SP3: variants seen among roughly 807,000 people sequenced by gnomAD.
SP3 encodes transcription factor Sp3.
In SP3, 10 loss-of-function variants were observed where a neutral mutation model predicts 70.3. That is an observed-to-expected ratio of 0.14 (90% CI 0.09 to 0.24). The LOEUF is 0.24. SP3 is among the 10% of genes least tolerant of loss of function. The probability of loss-of-function intolerance (pLI) is 1.00; values close to 1 mark genes in which losing one functional copy is unlikely to be tolerated. For missense variants in SP3, 825 were observed against 914.6 expected (o/e 0.90, Z 1.26); for synonymous variants, 402 against 333.5 (o/e 1.21, Z -2.24).
Position 173,964,323 on chromosome 2 carries a change from G to A in SP3, c.156+82C>T, listed in dbSNP as rs1691202962. The A allele has an allele frequency of 4.9e-6, 3 of 610,720 alleles. No homozygotes were observed. The African/African-American group carries it at 5.9e-5, about 12-fold the overall frequency. 37.8% of individuals were successfully genotyped at this position (610,720 alleles called of 1,614,324 possible). On this transcript the variant is annotated intron_variant, in intron 2 of 6. Transcript: ENST00000310015. ...AGGGGAGAGACGAGGAGGGAGGGGTGAGGCGAGGAGGGAGGGGAGAGGCGA... is the reference window on the plus strand; with the variant it reads ...AGGGGAGAGACGAGGAGGGAGGGGTAAGGCGAGGAGGGAGGGGAGAGGCGA...
intron 4 of SP3, among the ~76,000 whole-genome samples, chr2:173,932,019 C>T (rs1366238793): frequency 1.3e-5 from 2 of 152,208 alleles, no homozygotes; most frequent in Non-Finnish European, 2.9e-5. Context: ...CCTTTGCATT[C>T]ACAACGTGGC....
chr2:173,935,290 A>C (rs895723202), intron 4 of SP3, among the ~76,000 whole-genome samples: 1 of 152,184 alleles, frequency 6.6e-6, no homozygotes, highest in Non-Finnish European at 1.5e-5. Context: ...AGGTTAAAAG[A>C]AGCTAACTTT....
intron 4 of SP3, among the ~76,000 whole-genome samples, chr2:173,933,975 GT>G (rs1392871043): frequency 2.1e-5 from 1 of 46,746 alleles, no homozygotes; most frequent in Non-Finnish European, 3.8e-5. Context: ...GTGTACATCT[GT>G]AGTCCCAGTT....
At chr2:173,917,718 C>T (rs539802543) in intron 5 of SP3, among the ~76,000 whole-genome samples, 40 of 151,816 alleles carry the variant, frequency 2.6e-4, no homozygotes, top group Non-Finnish European at 3.7e-4. Flanking sequence ...GAGTTCTATC[C>T]GTTTTTGCTC....
rs60102426 is a variant in SP3 at position 173,933,638 on chromosome 2, TTATATATA to T, written c.1640-14861_1640-14854del. ...ACAAATGACTAACATTTATAAAACT[TTATATATA>T]TATATATATATATATATATATATAT... On this transcript the variant is annotated intron_variant, in intron 4 of 6. Transcript: ENST00000310015. Among the ~76,000 whole-genome samples the T allele has an allele frequency of 8.7e-3, 751 of 86,560 alleles. 13 individuals are homozygous for T. Among genetic ancestry groups the T allele is most frequent in the African/African-American group, 0.025 (610 of 24,112 alleles). The allele number at this position is 86,560 out of a possible 152,430, so 56.8% of individuals were successfully genotyped here. A position where few individuals can be genotyped will look rare whatever the true frequency, so the allele number is the denominator to read the frequency against.
In SP3 at chr2:173,903,995, G is replaced by A. The variant is rs1689242140; in HGVS notation, c.*5946C>T. 6.6e-6 allele frequency among the ~76,000 whole-genome samples: 1 copy of A among 151,068 alleles called. No homozygotes were observed. The highest frequency in any genetic ancestry group is 1.5e-5 in the Non-Finnish European group (1 of 67,770). On this transcript the variant is annotated 3_prime_UTR_variant, in exon 7 of 7. Coordinates refer to ENST00000310015, the MANE Select transcript of SP3 (RefSeq NM_003111.5). ...GAAGACAATTTTTTCATGGATGGGG[G>A]TCGGGGGGTGGGGATGGTTGTAGGA...
chr2:173,955,038 C>G lies in SP3; in HGVS notation c.1474G>C (p.Val492Leu), dbSNP rs367731299. ...TAAQQITLTPVQTLTLGQVAA... is the reference protein window; with the variant it reads ...TAAQQITLTPLQTLTLGQVAA... ...ACTTGACCAAGTGTGAGGGTTTGAACAGGCGTCAAAGTTATTTGTTGGGCA... is the reference window on the plus strand; with the variant it reads ...ACTTGACCAAGTGTGAGGGTTTGAAGAGGCGTCAAAGTTATTTGTTGGGCA... The change falls in exon 4 of 7, where the codon GTT (valine) becomes CTT (leucine). Residue 492 changes from valine to leucine, a missense_variant. Val to Leu is a conservative substitution (Grantham distance 32, BLOSUM62 1). Around this residue, in one of 4 missense-constraint regions of SP3, gnomAD observed 678 missense variants for 651.6 expected, o/e 1.04. Coordinates refer to ENST00000310015, the MANE Select transcript of SP3 (RefSeq NM_003111.5). 7.2e-5 allele frequency: 116 copies of G among 1,614,070 alleles called. No individual in the cohort carries two copies. The highest frequency in any genetic ancestry group is 9.4e-5 in the Non-Finnish European group (111 of 1,180,042).
chr2:173,965,207 C>G lies in SP3; in HGVS notation c.-36G>C, dbSNP rs377033702. On this transcript the variant is annotated 5_prime_UTR_variant, in exon 1 of 7. Transcript: ENST00000310015. ...GGGCACCTCAGGCGGGGCTCCCCGC[C>G]GCCTTACACATGGTGAGGAGCGAAG... The G allele has an allele frequency of 6.5e-7, 1 of 1,546,942 alleles. No homozygotes were observed. The highest frequency in any genetic ancestry group is 1.4e-5 in the African/African-American group (1 of 72,626).
At chr2:173,941,075 A>G (rs1307297553) in intron 4 of SP3, among the ~76,000 whole-genome samples, 11 of 149,740 alleles carry the variant, frequency 7.3e-5, no homozygotes, top group Non-Finnish European at 1.5e-4. Context: ...CAACCTCCTC[A>G]ACCAGGTCCA....
chr2:173,921,026 T>G lies in SP3; in HGVS notation c.1640-2241A>C, dbSNP rs113178207. Among the ~76,000 whole-genome samples, 873 of 152,324 alleles carry G rather than the reference T, an allele frequency of 5.7e-3. 6 individuals carry two copies. Among genetic ancestry groups the G allele is most frequent in the African/African-American group, 0.019 (805 of 41,572 alleles). The stretch of plus-strand genomic sequence containing the variant: ...TTGCTGGTAATATCCTATTTCTTGA[T>G]CTGGGTGGTAGTTTTCCTATGTGTT... On this transcript the variant is annotated intron_variant, in intron 4 of 6. Coordinates refer to ENST00000310015, the MANE Select transcript of SP3 (RefSeq NM_003111.5).
In SP3 at chr2:173,917,112, G is replaced by A. The variant is rs1446449607; in HGVS notation, c.1832+1481C>T. Among the ~76,000 whole-genome samples the A allele has an allele frequency of 2.0e-5, 3 of 152,100 alleles. No individual in the cohort carries two copies. The East Asian group carries it at 5.8e-4, about 29-fold the overall frequency. ...ATGTCCTATGTGTCTACATTTTTAT[G>A]AGCATGTTTTAGTTTAATAAACATA... On this transcript the variant is annotated intron_variant, in intron 5 of 6. Transcript: ENST00000310015.
chr2:173,915,558 T>C (rs1007817774), intron 5 of SP3: 4 of 152,066 alleles, frequency 2.6e-5, no homozygotes, highest in African/African-American at 9.7e-5. Context: ...TAAGATAGAG[T>C]GGAAGCTAAA....
Position 173,902,484 on chromosome 2 carries a change from C to A in SP3, c.*7457G>T, listed in dbSNP as rs1191430783. On this transcript the variant is annotated 3_prime_UTR_variant, in exon 7 of 7. Transcript: ENST00000310015. ...AGTGATTCAAGTTCTAGATACATAT[C>A]TCAAGAAATGCTCACATGTACACAA... Among the ~76,000 whole-genome samples the A allele has an allele frequency of 1.3e-5, 2 of 152,164 alleles. No individual in the cohort carries two copies. Among genetic ancestry groups the A allele is most frequent in the East Asian group, 1.9e-4 (1 of 5,196 alleles).
At chr2:173,930,030 T>C (rs562792061) in intron 4 of SP3, among the ~76,000 whole-genome samples, 1 of 152,280 alleles carries the variant, frequency 6.6e-6, no homozygotes, top group East Asian at 1.9e-4. Flanking sequence ...TGTGTCTATT[T>C]CTCTCTAACT....
rs552248555 is a variant in SP3 at position 173,904,255 on chromosome 2, C to A, written c.*5686G>T. On this transcript the variant is annotated 3_prime_UTR_variant, in exon 7 of 7. Coordinates refer to ENST00000310015, the MANE Select transcript of SP3 (RefSeq NM_003111.5). ...AGTCTGTGGCCCAGGTGGTTCCTCA[C>A]AGACCAGGGACCAGTACCGGTCTGT... 6.6e-5 allele frequency among the ~76,000 whole-genome samples: 10 copies of A among 152,250 alleles called. No homozygotes were observed. The highest frequency in any genetic ancestry group is 1.3e-4 in the Admixed American group (2 of 15,288).
intron 3 of SP3, among the ~76,000 whole-genome samples, chr2:173,957,338 G>A (rs1690927093): frequency 6.6e-6 from 1 of 151,964 alleles, no homozygotes; most frequent in African/African-American, 2.4e-5. Flanking sequence ...CTAATACAAT[G>A]TGAAAAGTAG....
In SP3 at chr2:173,965,233, G is replaced by A; in HGVS notation, c.-62C>T. Reference sequence around the variant, plus strand: ...GCCTTACACATGGTGAGGAGCGAAGGCGGCGGCGGCGGGAGAGGATGCGGG... The same window carrying A: ...GCCTTACACATGGTGAGGAGCGAAGACGGCGGCGGCGGGAGAGGATGCGGG... On this transcript the variant is annotated 5_prime_UTR_variant, in exon 1 of 7. Coordinates refer to ENST00000310015, the MANE Select transcript of SP3 (RefSeq NM_003111.5). 6.7e-7 allele frequency: 1 copy of A among 1,503,342 alleles called. No individual in the cohort carries two copies. The highest frequency in any genetic ancestry group is 9.0e-7 in the Non-Finnish European group (1 of 1,112,862). 93.1% of individuals were successfully genotyped at this position (1,503,342 alleles called of 1,614,324 possible).
rs1388931180 is a variant in SP3, at chr2:173,923,650, T to G, written c.1640-4865A>C. ...GTATGGTTGATAAAATGAGACATTA[T>G]CTTTTATCAATAGTGTGCCATTAAG... On this transcript the variant is annotated intron_variant, in intron 4 of 6. Transcript: ENST00000310015. Among the ~76,000 whole-genome samples the G allele has an allele frequency of 2.6e-5, 4 of 152,108 alleles. No individual in the cohort carries two copies. The East Asian group carries it at 7.7e-4, about 29-fold the overall frequency.
intron 3 of SP3, among the ~76,000 whole-genome samples, chr2:173,960,188 T>C (rs987558002): frequency 1.3e-5 from 2 of 152,072 alleles, no homozygotes; most frequent in South Asian, 4.1e-4. Flanking sequence ...CAAAACACCA[T>C]CTAACATGAA....
Sources: allele counts gnomAD v4.1 joint callset (sites outside exome capture counted in the v4.1 genomes callset), GRCh38; gene constraint gnomAD v4.1.1; regional missense constraint gnomAD v4.1.1; transcripts MANE v1.5; gene names NCBI Gene and HGNC (gene_info 2026-07-23, HGNC 2026-07-21).